The following FSCN1 variants were observed in gnomAD, a reference collection of about 807,000 sequenced individuals.
FSCN1 encodes the protein fascin.
FSCN1 carries 10 observed loss-of-function variants against 39.7 expected under a neutral mutation model. The observed-to-expected ratio is 0.25, with a 90% CI of 0.16 to 0.43. The LOEUF is 0.43. Ranked by LOEUF, FSCN1 falls within the 20% of genes least tolerant of loss-of-function variation. The pLI is 1.00. For missense variants in FSCN1, 525 were observed against 723.8 expected, an observed-to-expected ratio of 0.73 and a Z score of 3.15; for synonymous variants, 322 against 320.0, an observed-to-expected ratio of 1.01 and a Z score of -0.07.
At chr7:5,604,067 C>G in intron 4 of FSCN1, 37 bp downstream of exon 4, 1 of 1,601,160 alleles carries the variant, frequency 6.2e-7, no homozygotes, top group Non-Finnish European at 8.5e-7. Flanking sequence ...GGCAGGGAAC[C>G]CCTCGGTCGG....
In FSCN1 at chr7:5,599,944, C is replaced by T. The variant is rs1379936207; in HGVS notation, c.833-3313C>T. ...CAAGGTGCCCAAACGAAGACACTCTCCAGCTCTGAGCCAGGCACCCATACA... is the reference window on the plus strand; with the variant it reads ...CAAGGTGCCCAAACGAAGACACTCTTCAGCTCTGAGCCAGGCACCCATACA... On this transcript the variant is annotated intron_variant, in intron 1 of 4. Transcript: ENST00000382361. The surrounding 1 kb of genome is among the most constrained non-coding windows in gnomAD (Gnocchi z 5.6). 6.6e-6 allele frequency among the ~76,000 whole-genome samples: 1 copy of T among 152,176 alleles called. No homozygotes were observed. The highest frequency in any genetic ancestry group is 1.5e-5 in the Non-Finnish European group (1 of 68,022).
rs373729143 is a variant in FSCN1, at chr7:5,605,395, G to A, written c.1403G>A (p.Arg468His). 20 of 1,613,296 alleles carry A rather than the reference G, an allele frequency of 1.2e-5. No individual in the cohort carries two copies. Among genetic ancestry groups the A allele is most frequent in the East Asian group, 6.7e-5 (3 of 44,896 alleles). ...YNKVAIKVGG[R>H]YLKGDHAGVL... is the part of the protein sequence containing the mutation. ...AAGGTGGCCATCAAGGTGGGCGGGC[G>A]CTACCTGAAGGGCGACCACGCAGGC... Residue 468 changes from arginine to histidine, a missense_variant, in exon 5 of 5, where the codon CGC (arginine) becomes CAC (histidine). By Grantham distance (29) the Arg-to-His change is conservative. Coordinates refer to ENST00000382361, the MANE Select transcript of FSCN1 (RefSeq NM_003088.4). This position sits in a 1 kb window ranked among gnomAD's most constrained non-coding sequence, Gnocchi z 6.9.
intron 1 of FSCN1, among the ~76,000 whole-genome samples, chr7:5,600,767 C>G: frequency 6.6e-6 from 1 of 151,976 alleles, no homozygotes. Flanking sequence ...CATTCTCCTG[C>G]CTCAGCCTCC....
chr7:5,604,154 C>A, intron 4 of FSCN1, 124 bp downstream of exon 4: 1 of 852,916 alleles, frequency 1.2e-6, no homozygotes, highest in East Asian at 2.7e-5. Flanking sequence ...ATTCCAGGCC[C>A]TAAAGGGACA....
intron 4 of FSCN1, 114 bp downstream of exon 4, chr7:5,604,144 A>G (rs1320346957): frequency 3.1e-6 from 3 of 960,712 alleles, no homozygotes; most frequent in Non-Finnish European, 4.6e-6. Context: ...GCTCAGGGCC[A>G]TTCCAGGCCC....
chr7:5,605,060 A>G lies in FSCN1; in HGVS notation c.1280-212A>G, dbSNP rs1467724037. ...AGTGCTGGGATTACAGGCGTGAGCC[A>G]CTGCGGCCGAGCAGAACACGTTCTA... is the stretch of plus-strand genomic sequence containing the variant. On this transcript the variant is annotated intron_variant, in intron 4 of 4. Coordinates refer to ENST00000382361, the MANE Select transcript of FSCN1 (RefSeq NM_003088.4). This position sits in a 1 kb window ranked among gnomAD's most constrained non-coding sequence, Gnocchi z 6.9. Among the ~76,000 whole-genome samples, 1 of 152,216 alleles carries G rather than the reference A, an allele frequency of 6.6e-6. No individual in the cohort carries two copies. Among genetic ancestry groups the G allele is most frequent in the Non-Finnish European group, 1.5e-5 (1 of 68,036 alleles).
In FSCN1 at chr7:5,604,014, C is replaced by G. The variant is rs151247331; in HGVS notation, c.1263C>G (p.Gly421=). 6.2e-7 allele frequency: 1 copy of G among 1,613,502 alleles called. No homozygotes were observed. The highest frequency in any genetic ancestry group is 8.5e-7 in the Non-Finnish European group (1 of 1,179,936). Residue 421 remains glycine (G), a synonymous_variant, in exon 4 of 5, where the codon GGC becomes GGG. Transcript: ENST00000382361. ...TCTTCCAGCTGGAGTTCAACGATGG[C>G]GCCTACAACATCAAAGGCAGGTTCT... ...YDVFQLEFND[G]AYNIKDSTGK...
chr7:5,593,904 G>A, intron 1 of FSCN1, 136 bp downstream of exon 1: 1 of 640,764 alleles, frequency 1.6e-6, no homozygotes, highest in South Asian at 2.0e-5. Context: ...CCCCCGCTAG[G>A]CACGCGGGCT....
chr7:5,603,413 A>C lies in FSCN1; in HGVS notation c.989A>C (p.Lys330Thr). ...GGCGTGCAGTCCACCGCCTCCAGCAAGTGAGTGCCTCGCTCCCACCTGTCA... is the reference window on the plus strand; with the variant it reads ...GGCGTGCAGTCCACCGCCTCCAGCACGTGAGTGCCTCGCTCCCACCTGTCA... ...TGGVQSTASSKNASCYFDIEW... is the reference protein window; with the variant it reads ...TGGVQSTASSTNASCYFDIEW... Residue 330 changes from lysine (K) to threonine (T), a missense_variant and splice_region_variant, in exon 2 of 5, where the codon AAG (lysine) becomes ACG (threonine). By Grantham distance (78) the Lys-to-Thr change is moderately conservative (BLOSUM62 -1). Around this residue, in one of 3 missense-constraint regions of FSCN1, gnomAD observed 275 missense variants for 351.9 expected, o/e 0.78. Coordinates refer to ENST00000382361, the MANE Select transcript of FSCN1 (RefSeq NM_003088.4). The surrounding 1 kb of genome is among the most constrained non-coding windows in gnomAD (Gnocchi z 8.5). 6.2e-7 allele frequency: 1 copy of C among 1,613,746 alleles called. No homozygotes were observed. The highest frequency in any genetic ancestry group is 8.5e-7 in the Non-Finnish European group (1 of 1,179,990).
Position 5,605,186 on chromosome 7 carries a change from G to A in FSCN1, c.1280-86G>A. The A allele has an allele frequency of 1.0e-6, 1 of 1,000,914 alleles. No homozygotes were observed. Among genetic ancestry groups the A allele is most frequent in the Non-Finnish European group, 1.6e-6 (1 of 643,846 alleles). 62.0% of individuals were successfully genotyped at this position (1,000,914 alleles called of 1,614,324 possible). ...GACTGGAGGGTGGGGCGTCACCCTT[G>A]GGAACACCCGTGCCCACCCTCCGCT... is the stretch of plus-strand genomic sequence containing the variant. On this transcript the variant is annotated intron_variant, in intron 4 of 4. Transcript: ENST00000382361. This position sits in a 1 kb window ranked among gnomAD's most constrained non-coding sequence, Gnocchi z 6.9.
At chr7:5,596,723 C>A (rs1422614927) in intron 1 of FSCN1, among the ~76,000 whole-genome samples, 1 of 152,228 alleles carries the variant, frequency 6.6e-6, no homozygotes, top group South Asian at 2.1e-4. Context: ...CTGAGGAGGG[C>A]TGACTGAGGA....
At chr7:5,597,827 C>A (rs1327181177) in intron 1 of FSCN1, among the ~76,000 whole-genome samples, 1 of 151,812 alleles carries the variant, frequency 6.6e-6, no homozygotes, top group Non-Finnish European at 1.5e-5. Flanking sequence ...CAGGGCTAGA[C>A]CTCTCTGGAA....
Position 5,593,497 on chromosome 7 carries a change from C to T in FSCN1, c.561C>T (p.Ser187=), listed in dbSNP as rs764651388. ...TCGCCTTCCAGGACCAGCGCTACAG[C>T]GTGCAGACCGCCGACCACCGCTTCC... ...ITLAFQDQRY[S]VQTADHRFLR... The change falls in exon 1 of 5, where the codon AGC becomes AGT. Residue 187 remains serine (S), a synonymous_variant. Transcript: ENST00000382361. The T allele has an allele frequency of 4.4e-6, 7 of 1,609,026 alleles. No individual in the cohort carries two copies. The highest frequency in any genetic ancestry group is 5.9e-6 in the Non-Finnish European group (7 of 1,179,016).
chr7:5,604,745 C>G (rs1785901695), intron 4 of FSCN1, among the ~76,000 whole-genome samples: 1 of 152,210 alleles, frequency 6.6e-6, no homozygotes, highest in African/African-American at 2.4e-5. Context: ...AAGCGATTCT[C>G]CTGCCTCAGC....
intron 1 of FSCN1, among the ~76,000 whole-genome samples, chr7:5,595,165 C>T (rs1259423512): frequency 6.6e-6 from 1 of 152,210 alleles, no homozygotes; most frequent in Non-Finnish European, 1.5e-5. Context: ...CCTGACGGCC[C>T]CCCTCTTGGC....
chr7:5,601,493 G>A (rs189761345), intron 1 of FSCN1, among the ~76,000 whole-genome samples: 9 of 152,104 alleles, frequency 5.9e-5, no homozygotes, highest in East Asian at 1.9e-4. Context: ...GTGAGCCGCC[G>A]TGGCAACCCG....
intron 1 of FSCN1, 60 bp downstream of exon 1, chr7:5,593,828 G>C: frequency 8.9e-7 from 1 of 1,128,592 alleles, no homozygotes; most frequent in Non-Finnish European, 1.2e-6. Flanking sequence ...CCCCACCCGC[G>C]CCCCTCCAGC....
intron 1 of FSCN1, among the ~76,000 whole-genome samples, chr7:5,602,131 C>T (rs7807718): frequency 2.6e-5 from 4 of 151,728 alleles, no homozygotes; most frequent in Admixed American, 2.0e-4. Flanking sequence ...GTCTCAAACT[C>T]CCGACCTCGG....
At chr7:5,600,729 C>T (rs1249063644) in intron 1 of FSCN1, among the ~76,000 whole-genome samples, 1 of 151,524 alleles carries the variant, frequency 6.6e-6, no homozygotes, top group Non-Finnish European at 1.5e-5. Context: ...TCTTGGCTCA[C>T]TGCAAGCTCC....
Sources: allele counts gnomAD v4.1 joint callset (sites outside exome capture counted in the v4.1 genomes callset), GRCh38; gene constraint gnomAD v4.1.1; regional missense constraint gnomAD v4.1.1; non-coding constraint Gnocchi (gnomAD v3.1); transcripts MANE v1.5; gene names NCBI Gene and HGNC (gene_info 2026-07-23, HGNC 2026-07-21).